The following TBCE variants were observed in gnomAD, a reference collection of about 807,000 sequenced individuals.
TBCE encodes tubulin-specific chaperone E.
TBCE carries 53 observed loss-of-function variants against 77.0 expected under a neutral mutation model. That is an observed-to-expected ratio of 0.69 (90% CI 0.55 to 0.87). TBCE has a LOEUF of 0.87. Among genes scored for constraint, TBCE ranks in the 40% least tolerant of loss-of-function variants. The probability of loss-of-function intolerance (pLI) is 0.00; values close to 1 mark genes in which losing one functional copy is unlikely to be tolerated. For missense variants in TBCE, 624 were observed against 622.4 expected, an observed-to-expected ratio of 1.00 and a Z score of -0.03; for synonymous variants, 235 against 241.3, an observed-to-expected ratio of 0.97 and a Z score of 0.24.
At chr1:235,424,353 T>G in intron 5 of TBCE, among the ~76,000 whole-genome samples, 1 of 135,264 alleles carries the variant, frequency 7.4e-6, no homozygotes, top group Non-Finnish European at 1.6e-5. Context: ...GGAGATGGAG[T>G]CTTGCTCTTT....
chr1:235,382,876 A>G (rs1677767198), intron 2 of TBCE, among the ~76,000 whole-genome samples: 1 of 151,234 alleles, frequency 6.6e-6, no homozygotes, highest in South Asian at 2.1e-4. Flanking sequence ...TGTTTTAGAC[A>G]TGAAGTCCTG....
chr1:235,440,293 G>C (rs1681783638), intron 13 of TBCE, among the ~76,000 whole-genome samples: 1 of 151,082 alleles, frequency 6.6e-6, no homozygotes, highest in South Asian at 2.1e-4. Context: ...CTTAAATGTA[G>C]GTTCTTCTCT....
At chr1:235,435,691 T>C (rs1681403292) in intron 8 of TBCE, 54 bp from the exon 9 acceptor site, 2 of 1,523,268 alleles carry the variant, frequency 1.3e-6, no homozygotes, top group African/African-American at 1.4e-5. Context: ...GGCTGTATCT[T>C]TGAAAACAAT....
chr1:235,416,124 A>C (rs1324765346), intron 4 of TBCE: 4 of 140,776 alleles, frequency 2.8e-5, no homozygotes, highest in Non-Finnish European at 6.0e-5. Context: ...AGCCGAGATC[A>C]TGCCGCTGCA....
Position 235,424,581 on chromosome 1 carries a change from C to G in TBCE, c.461-2559C>G, listed in dbSNP as rs547733636. Reference sequence around the variant, plus strand: ...AGTGCAATGGCATGATCTTGGCTCACTGTTACCTCCGCCTCCCAGGTTCAA... The same window carrying G: ...AGTGCAATGGCATGATCTTGGCTCAGTGTTACCTCCGCCTCCCAGGTTCAA... On this transcript the variant is annotated intron_variant, in intron 5 of 16. Coordinates refer to ENST00000642610, the MANE Select transcript of TBCE (RefSeq NM_003193.5). Among the ~76,000 whole-genome samples the G allele has an allele frequency of 1.8e-3, 276 of 151,850 alleles. 1 individual carries two copies. Among genetic ancestry groups the G allele is most frequent in the Non-Finnish European group, 2.8e-3 (193 of 67,932 alleles).
chr1:235,407,108 C>G (rs924595180), intron 3 of TBCE, among the ~76,000 whole-genome samples: 1 of 149,768 alleles, frequency 6.7e-6, no homozygotes, highest in African/African-American at 2.5e-5. Context: ...GGATTATAGG[C>G]GTGAACCACT....
Position 235,380,154 on chromosome 1 carries a change from G to A in TBCE, c.100+5G>A. ...GTGTTGTCCCTCCCGTGGCAGGTAA[G>A]CAATTATTGTGTGTGTGTGTGTGTG... On this transcript the variant is annotated splice_donor_5th_base_variant and intron_variant, in intron 2 of 16. Coordinates refer to ENST00000642610, the MANE Select transcript of TBCE (RefSeq NM_003193.5). The A allele has an allele frequency of 6.4e-7, 1 of 1,556,008 alleles. No homozygotes were observed. Among genetic ancestry groups the A allele is most frequent in the Non-Finnish European group, 8.8e-7 (1 of 1,134,618 alleles).
intron 1 of TBCE, among the ~76,000 whole-genome samples, chr1:235,378,547 GAA>G (rs1677433276): frequency 1.3e-5 from 2 of 152,166 alleles, no homozygotes; most frequent in African/African-American, 2.4e-5. Context: ...TTTTAAAACA[GAA>G]AGTGAGTTTT....
In TBCE at chr1:235,439,088, C is replaced by T. The variant is rs191152671; in HGVS notation, c.1270+166C>T. ...TATAGGCACTTTCCTGGGGCGAGGG[C>T]GGCAGGGCAAGAGCAGTATCTTTCA... On this transcript the variant is annotated intron_variant, in intron 13 of 16. Transcript: ENST00000642610. 35 of 889,906 alleles carry T rather than the reference C, an allele frequency of 3.9e-5. No individual in the cohort carries two copies. The African/African-American group carries it at 4.8e-4, about 12-fold the overall frequency. The allele number at this position is 889,906 out of a possible 1,614,324, so 55.1% of individuals were successfully genotyped here. A position where few individuals can be genotyped will look rare whatever the true frequency, so the allele number is the denominator to read the frequency against.
At chr1:235,429,767 G>T (rs1159394540) in intron 6 of TBCE, 2 of 151,754 alleles carry the variant, frequency 1.3e-5, no homozygotes, top group Admixed American at 6.6e-5. Context: ...GCCCAGGCTG[G>T]AGTACAGTGG....
chr1:235,420,853 T>A (rs1005195199), intron 5 of TBCE, among the ~76,000 whole-genome samples: 1 of 152,168 alleles, frequency 6.6e-6, no homozygotes, highest in Non-Finnish European at 1.5e-5. Flanking sequence ...CACGAACTCC[T>A]GACCTCAGGT....
At chr1:235,370,773 G>A (rs1249182181) in intron 1 of TBCE, among the ~76,000 whole-genome samples, 1 of 133,786 alleles carries the variant, frequency 7.5e-6, no homozygotes, top group Admixed American at 8.0e-5. Flanking sequence ...ATGGAGTCTT[G>A]CTCTGTCGCT....
intron 1 of TBCE, among the ~76,000 whole-genome samples, chr1:235,379,376 A>C (rs1000641487): frequency 2.0e-5 from 3 of 151,940 alleles, no homozygotes; most frequent in Non-Finnish European, 2.9e-5. Flanking sequence ...AAAAATACAA[A>C]ACAATTAAAC....
chr1:235,450,406 G>A lies in TBCE; in HGVS notation c.*1644G>A. 6.5e-7 allele frequency: 1 copy of A among 1,535,874 alleles called. No homozygotes were observed. The highest frequency in any genetic ancestry group is 9.0e-7 in the Non-Finnish European group (1 of 1,115,418). On this transcript the variant is annotated 3_prime_UTR_variant, in exon 17 of 17. Coordinates refer to ENST00000642610, the MANE Select transcript of TBCE (RefSeq NM_003193.5). ...CTGTTTTAAGAGCATCAGAAAGTATGCACGTAGACAGCTTTTATGTATTCT... is the reference window on the plus strand; with the variant it reads ...CTGTTTTAAGAGCATCAGAAAGTATACACGTAGACAGCTTTTATGTATTCT...
chr1:235,401,306 G>T lies in TBCE; in HGVS notation c.101-197G>T, dbSNP rs201235640. Among the ~76,000 whole-genome samples, 3 of 152,076 alleles carry T rather than the reference G, an allele frequency of 2.0e-5. No individual in the cohort carries two copies. The South Asian group carries it at 6.2e-4, about 32-fold the overall frequency. ...CTTGTTTTCTGGAGTGGTGGTTTTT[G>T]TTGGCTTTTTCACCCAGACATGCTA... is the stretch of plus-strand genomic sequence containing the variant. On this transcript the variant is annotated intron_variant, in intron 2 of 16. Coordinates refer to ENST00000642610, the MANE Select transcript of TBCE (RefSeq NM_003193.5).
chr1:235,425,862 C>T (rs1478756474), intron 5 of TBCE, among the ~76,000 whole-genome samples: 3 of 152,096 alleles, frequency 2.0e-5, no homozygotes, highest in African/African-American at 7.2e-5. Flanking sequence ...CAGATGCCCT[C>T]TTAGAGGAGG....
chr1:235,404,000 C>T (rs550203596), intron 3 of TBCE, among the ~76,000 whole-genome samples: 27 of 152,206 alleles, frequency 1.8e-4, no homozygotes, highest in African/African-American at 5.1e-4. Context: ...AAAAATTGGC[C>T]GGGTGCGTTG....
At chr1:235,414,877 A>G in intron 4 of TBCE, 1 of 433,698 alleles carries the variant, frequency 2.3e-6, no homozygotes, top group East Asian at 4.7e-5. Flanking sequence ...ACATCATATT[A>G]TCTCGTGTTG....
At chr1:235,444,716 T>C (rs931077096) in intron 15 of TBCE, among the ~76,000 whole-genome samples, 3 of 152,258 alleles carry the variant, frequency 2.0e-5, no homozygotes, top group Non-Finnish European at 4.4e-5. Flanking sequence ...GCCAGGACTT[T>C]CTGTGAATGT....
Sources: allele counts gnomAD v4.1 joint callset (sites outside exome capture counted in the v4.1 genomes callset), GRCh38; gene constraint gnomAD v4.1.1; transcripts MANE v1.5; gene names NCBI Gene and HGNC (gene_info 2026-07-23, HGNC 2026-07-21).